Variants in DAB1 observed in about 807,000 individuals in gnomAD.
DAB1 encodes disabled homolog 1.
Under a neutral mutation model 64.6 loss-of-function variants are expected in DAB1, and 15 were observed. The observed-to-expected ratio is 0.23, with a 90% CI of 0.16 to 0.36. The LOEUF (loss-of-function observed/expected upper bound fraction) is 0.36. Among genes scored for constraint, DAB1 ranks in the 10% least tolerant of loss-of-function variants. The pLI, the probability that DAB1 is intolerant of heterozygous loss-of-function variation, is 1.00. For missense variants in DAB1, 596 were observed against 706.7 expected, an observed-to-expected ratio of 0.84 and a Z score of 1.78; for synonymous variants, 235 against 251.9, an observed-to-expected ratio of 0.93 and a Z score of 0.64.
At chr1:57,881,618 A>T (rs1644144835) in intron 1 of DAB1, among the ~76,000 whole-genome samples, 1 of 152,224 alleles carries the variant, frequency 6.6e-6, no homozygotes, top group Non-Finnish European at 1.5e-5. Flanking sequence ...ATGCAGACAC[A>T]ATACGTGACA....
At chr1:58,292,332 G>C (rs1345491749) in intron 4 of DAB1, among the ~76,000 whole-genome samples, 1 of 152,074 alleles carries the variant, frequency 6.6e-6, no homozygotes, top group Non-Finnish European at 1.5e-5. Context: ...ATCAGAAAGA[G>C]ACAGTTATGC....
At position 57,606,170 on chromosome 1, in the gene DAB1, G is replaced by A. The variant is rs144281441; in HGVS notation, n.625+43422C>T. 7.6e-5 allele frequency: 27 copies of A among 355,460 alleles called. No individual in the cohort carries two copies. In the East Asian group the frequency reaches 1.8e-3, roughly 23 times the overall value. The allele number at this position is 355,460 out of a possible 1,614,324, so 22.0% of individuals were successfully genotyped here. ...CAAATTTGGTGAATTGCCACCTCCG[G>A]CTCCATGAGTGTTTTTCCGGTATTT... On this transcript the variant is annotated intron_variant and non_coding_transcript_variant, in intron 7 of 20. Coordinates refer to the DAB1 transcript ENST00000485760.
chr1:57,588,175 A>G (rs1645402343), intron 7 of DAB1, among the ~76,000 whole-genome samples: 1 of 152,180 alleles, frequency 6.6e-6, no homozygotes, highest in South Asian at 2.1e-4. Context: ...TTCTCCATCC[A>G]TGGGCAGCAT....
At chr1:57,594,299 G>A (rs933864212) in intron 7 of DAB1, among the ~76,000 whole-genome samples, 7 of 152,188 alleles carry the variant, frequency 4.6e-5, no homozygotes, top group African/African-American at 1.7e-4. Context: ...TTTCAAGGCT[G>A]CCTTAGGCTA....
At chr1:58,170,427 A>T (rs1350414137) in intron 4 of DAB1, among the ~76,000 whole-genome samples, 1 of 151,756 alleles carries the variant, frequency 6.6e-6, no homozygotes, top group East Asian at 1.9e-4. Context: ...TTATTACCCA[A>T]TCAGCCGCAG....
At chr1:57,460,199 A>G (rs1311871492) in intron 7 of DAB1, among the ~76,000 whole-genome samples, 1 of 152,232 alleles carries the variant, frequency 6.6e-6, no homozygotes, top group East Asian at 1.9e-4. Context: ...TTCAGGGCAC[A>G]CAGTATGGTG....
At chr1:57,211,963 C>G (rs987343081) in intron 2 of DAB1, among the ~76,000 whole-genome samples, 1 of 152,150 alleles carries the variant, frequency 6.6e-6, no homozygotes, top group Non-Finnish European at 1.5e-5. Context: ...ATCCTGGAAC[C>G]AATCCCCCAA....
intron 7 of DAB1, among the ~76,000 whole-genome samples, chr1:57,474,532 G>A (rs1425748432): frequency 6.6e-6 from 1 of 152,166 alleles, no homozygotes; most frequent in African/African-American, 2.4e-5. Context: ...TTTTTCCAGT[G>A]AGAATTAACA....
At chr1:58,506,489 C>G (rs1220863077) in intron 2 of DAB1, among the ~76,000 whole-genome samples, 4 of 151,986 alleles carry the variant, frequency 2.6e-5, no homozygotes, top group Admixed American at 6.6e-5. Context: ...AGAACATGCC[C>G]ATTGCTTAGA....
intron 5 of DAB1, among the ~76,000 whole-genome samples, chr1:58,147,338 G>T (rs367695457): frequency 1.5e-4 from 19 of 126,842 alleles, no homozygotes; most frequent in African/African-American, 5.7e-4. Context: ...GTACAGCCAC[G>T]CCAGGCGTGG....
intron 2 of DAB1, among the ~76,000 whole-genome samples, chr1:57,281,509 G>A (rs894556645): frequency 3.3e-5 from 5 of 152,294 alleles, no homozygotes; most frequent in Middle Eastern, 3.4e-3. Flanking sequence ...ACTCGGTGAC[G>A]TATGATTGGC....
intron 3 of DAB1, among the ~76,000 whole-genome samples, chr1:58,488,118 T>C (rs1289446762): frequency 6.6e-6 from 1 of 152,180 alleles, no homozygotes; most frequent in Non-Finnish European, 1.5e-5. Context: ...TTTCTTTAAA[T>C]ACAGATTTAG....
At chr1:58,163,664 C>T (rs1011667922) in intron 4 of DAB1, among the ~76,000 whole-genome samples, 2 of 152,144 alleles carry the variant, frequency 1.3e-5, no homozygotes, top group Admixed American at 6.5e-5. Flanking sequence ...AACTTTTCTG[C>T]CAGGTAAATG....
rs142287970 is a variant in DAB1, at chr1:57,024,194, G to A, written c.787-555C>T. The stretch of plus-strand genomic sequence containing the variant: ...CCCCCCCGCCACACCCCCCGTCAGC[G>A]CCCCAGATTTTGCCTGAATCTTCAT... On this transcript the variant is annotated intron_variant, in intron 10 of 14. Coordinates refer to ENST00000371236, the MANE Select transcript of DAB1 (RefSeq NM_001365792.1). Among the ~76,000 whole-genome samples the A allele has an allele frequency of 4.3e-3, 651 of 150,364 alleles. 7 individuals carry two copies. The highest frequency in any genetic ancestry group is 0.015 in the African/African-American group (622 of 41,010).
intron 6 of DAB1, among the ~76,000 whole-genome samples, chr1:57,805,518 G>A (rs1275166998): frequency 6.6e-6 from 1 of 152,110 alleles, no homozygotes; most frequent in Non-Finnish European, 1.5e-5. Context: ...ATTTTGCATA[G>A]AATAACTCAG....
At chr1:57,221,901 T>G (rs1041154738) in intron 2 of DAB1, among the ~76,000 whole-genome samples, 1 of 152,116 alleles carries the variant, frequency 6.6e-6, no homozygotes, top group Admixed American at 6.6e-5. Flanking sequence ...TTTTTTTTTT[T>G]TGCTTTATAG....
intron 5 of DAB1, among the ~76,000 whole-genome samples, chr1:58,019,729 T>C (rs1259546906): frequency 6.6e-6 from 1 of 152,172 alleles, no homozygotes; most frequent in Non-Finnish European, 1.5e-5. Flanking sequence ...TATATTACTT[T>C]TGAAATATTC....
At chr1:57,570,729 T>C (rs61769571) in intron 7 of DAB1, among the ~76,000 whole-genome samples, 2,573 of 152,330 alleles carry the variant, frequency 0.017, 34 homozygotes, top group Non-Finnish European at 0.027. Context: ...TATAGTTCTG[T>C]GAAGAACGAT....
intron 4 of DAB1, among the ~76,000 whole-genome samples, chr1:58,319,118 G>C (rs941362717): frequency 6.6e-6 from 1 of 152,170 alleles, no homozygotes. Flanking sequence ...GTGGGGAGTG[G>C]TGTGTGGGGA....
Sources: gnomAD v4.1 joint callset for allele counts (sites outside exome capture counted in the v4.1 genomes callset) on GRCh38, gnomAD v4.1.1 for gene constraint, MANE v1.5 for transcripts, NCBI Gene and HGNC (gene_info 2026-07-23, HGNC 2026-07-21) for gene names.